RIC8B: variants seen among roughly 807,000 people sequenced by gnomAD.
RIC8B encodes the protein chaperone Ric-8B.
In RIC8B, 16 loss-of-function variants were observed where a neutral mutation model predicts 57.5. That is an observed-to-expected ratio of 0.28 (90% confidence interval 0.19 to 0.42). The LOEUF is 0.42. Among genes scored for constraint, RIC8B ranks in the 10% least tolerant of loss-of-function variants. The probability of loss-of-function intolerance (pLI) is 1.00; values close to 1 mark genes in which losing one functional copy is unlikely to be tolerated. For synonymous variants in RIC8B, 216 were observed against 250.8 expected (o/e 0.86, Z 1.31); for missense variants, 481 against 677.0 (o/e 0.71, Z 3.21).
chr12:106,803,770 T>C (rs1173964367), intron 2 of RIC8B, among the ~76,000 whole-genome samples: 1 of 152,246 alleles, frequency 6.6e-6, no homozygotes, highest in Non-Finnish European at 1.5e-5. Context: ...GAAAACTATG[T>C]CACTTCTACA....
chr12:106,848,283 A>G (rs1949298802), intron 6 of RIC8B, among the ~76,000 whole-genome samples: 2 of 152,218 alleles, frequency 1.3e-5, no homozygotes, highest in African/African-American at 4.8e-5. Context: ...CTGTAACAGC[A>G]TAGGCAGGGA....
chr12:106,833,108 G>C (rs1424656378), intron 4 of RIC8B, among the ~76,000 whole-genome samples: 1 of 151,950 alleles, frequency 6.6e-6, no homozygotes, highest in South Asian at 2.1e-4. Flanking sequence ...TGTGCCATTA[G>C]CCTCTAAATA....
intron 9 of RIC8B, among the ~76,000 whole-genome samples, chr12:106,882,400 A>T (rs962269550): frequency 6.6e-6 from 1 of 152,028 alleles, no homozygotes; most frequent in Non-Finnish European, 1.5e-5. Context: ...TGACTCCAAA[A>T]CCTATATGTG....
At chr12:106,798,032 A>G (rs1335336981) in intron 2 of RIC8B, 1 of 715,440 alleles carries the variant, frequency 1.4e-6, no homozygotes, top group African/African-American at 1.7e-5. Context: ...TAAACTAGTT[A>G]TAGCGTTGAC....
intron 4 of RIC8B, among the ~76,000 whole-genome samples, chr12:106,836,559 T>G (rs916804121): frequency 2.0e-5 from 3 of 152,202 alleles, no homozygotes; most frequent in Non-Finnish European, 4.4e-5. Context: ...AACTTTAGAT[T>G]CTCTCACACT....
intron 9 of RIC8B, among the ~76,000 whole-genome samples, chr12:106,872,666 T>C (rs1459077714): frequency 9.0e-6 from 1 of 111,288 alleles, no homozygotes; most frequent in East Asian, 2.5e-4. Context: ...CAAAACTCTG[T>C]CTCAAAAAAA....
chr12:106,782,285 T>G (rs1048126368), intron 1 of RIC8B, among the ~76,000 whole-genome samples: 2 of 152,210 alleles, frequency 1.3e-5, no homozygotes, highest in African/African-American at 4.8e-5. Flanking sequence ...GTAGGATAAA[T>G]TCCTAGGAGT....
At chr12:106,807,454 G>A (rs979171713) in intron 2 of RIC8B, among the ~76,000 whole-genome samples, 9 of 152,204 alleles carry the variant, frequency 5.9e-5, no homozygotes, top group African/African-American at 2.2e-4. Flanking sequence ...AACCTAGGCT[G>A]GACTGCCACT....
At chr12:106,827,109 T>C (rs2046139468) in intron 4 of RIC8B, among the ~76,000 whole-genome samples, 1 of 152,258 alleles carries the variant, frequency 6.6e-6, no homozygotes, top group Non-Finnish European at 1.5e-5. Flanking sequence ...ATTTTGCGAC[T>C]TGTCCGTTAG....
chr12:106,846,334 A>G (rs1259244862), intron 6 of RIC8B, among the ~76,000 whole-genome samples: 1 of 152,150 alleles, frequency 6.6e-6, no homozygotes, highest in African/African-American at 2.4e-5. Flanking sequence ...ATTTATCACT[A>G]CATAGAATCT....
intron 4 of RIC8B, among the ~76,000 whole-genome samples, chr12:106,838,837 A>C (rs946154193): frequency 6.6e-6 from 1 of 152,010 alleles, no homozygotes; most frequent in Non-Finnish European, 1.5e-5. Context: ...CAAAAAAAAA[A>C]CCTGATTTTA....
At chr12:106,822,610 C>G (rs2045905510) in intron 3 of RIC8B, 2 of 152,080 alleles carry the variant, frequency 1.3e-5, no homozygotes, top group African/African-American at 4.8e-5. Flanking sequence ...ATTTTTTTCC[C>G]TAAAAATCTG....
At chr12:106,796,902 C>G (rs756971337) in intron 2 of RIC8B, among the ~76,000 whole-genome samples, 71 of 152,162 alleles carry the variant, frequency 4.7e-4, no homozygotes, top group Admixed American at 3.9e-4. Flanking sequence ...AGAAGATATA[C>G]AAATGGTCAG....
Position 106,815,206 on chromosome 12 carries a change from A to C in RIC8B, c.643A>C (p.Asn215His), listed in dbSNP as rs768121604. Reference protein sequence around the residue: ...TDEYESAIDHNGPPLSPQETD... With the variant: ...TDEYESAIDHHGPPLSPQETD... ...TGAGTATGAATCGGCCATAGACCATAATGGACCTCCTCTCTCACCTCAGGA... is the reference window on the plus strand; with the variant it reads ...TGAGTATGAATCGGCCATAGACCATCATGGACCTCCTCTCTCACCTCAGGA... Residue 215 changes from asparagine (N) to histidine (H), a missense_variant, in exon 3 of 10, where the codon AAT (asparagine) becomes CAT (histidine). Asn to His is a moderately conservative substitution (Grantham distance 68). Transcript: ENST00000392837. 4 of 1,614,158 alleles carry C rather than the reference A, an allele frequency of 2.5e-6. No individual in the cohort carries two copies. The highest frequency in any genetic ancestry group is 3.4e-6 in the Non-Finnish European group (4 of 1,180,030).
At chr12:106,833,488 C>G (rs893062255) in intron 4 of RIC8B, among the ~76,000 whole-genome samples, 1 of 152,024 alleles carries the variant, frequency 6.6e-6, no homozygotes, top group African/African-American at 2.4e-5. Context: ...GTAATCCCAG[C>G]TACTTGGGAG....
intron 2 of RIC8B, among the ~76,000 whole-genome samples, chr12:106,801,720 C>T (rs1049864968): frequency 6.6e-6 from 1 of 152,174 alleles, no homozygotes; most frequent in Non-Finnish European, 1.5e-5. Flanking sequence ...CCTCTAGAAT[C>T]CTCCCAGAAC....
chr12:106,808,224 T>C (rs908523857), intron 2 of RIC8B, among the ~76,000 whole-genome samples: 1 of 152,180 alleles, frequency 6.6e-6, no homozygotes, highest in African/African-American at 2.4e-5. Context: ...AGAGGTGATT[T>C]AAAGTATATG....
intron 4 of RIC8B, among the ~76,000 whole-genome samples, chr12:106,835,439 T>C (rs2046554186): frequency 1.3e-5 from 2 of 152,242 alleles, no homozygotes; most frequent in Non-Finnish European, 2.9e-5. Flanking sequence ...CAGAAGCTCC[T>C]TAATTGTTGA....
At chr12:106,825,885 C>T (rs970310914) in intron 4 of RIC8B, 65 bp downstream of exon 4, 1 of 1,076,574 alleles carries the variant, frequency 9.3e-7, no homozygotes, top group African/African-American at 1.6e-5. Flanking sequence ...TTTTATGCAT[C>T]TAATTTCAAT....
Sources: gnomAD v4.1 joint callset for allele counts (sites outside exome capture counted in the v4.1 genomes callset) on GRCh38, gnomAD v4.1.1 for gene constraint, MANE v1.5 for transcripts, NCBI Gene and HGNC (gene_info 2026-07-23, HGNC 2026-07-21) for gene names.